Variants in SLCO5A1 observed in about 807,000 individuals in gnomAD.
SLCO5A1 encodes organic anion transporter polypeptide-related protein 4.
SLCO5A1 carries 39 observed loss-of-function variants against 65.1 expected under a neutral mutation model. That is an observed-to-expected ratio of 0.60 (90% CI 0.46 to 0.78). SLCO5A1 has a LOEUF of 0.78. Among genes scored for constraint, SLCO5A1 ranks in the 30% least tolerant of loss-of-function variants. The probability of loss-of-function intolerance (pLI) is 0.00; values close to 1 mark genes in which losing one functional copy is unlikely to be tolerated. For missense variants in SLCO5A1, 1,029 were observed against 1,069.4 expected (o/e 0.96, Z 0.53); for synonymous variants, 438 against 415.7 (o/e 1.05, Z -0.65).
chr8:69,768,229 C>T (rs1300990141), intron 2 of SLCO5A1, among the ~76,000 whole-genome samples: 1 of 152,164 alleles, frequency 6.6e-6, no homozygotes, highest in Non-Finnish European at 1.5e-5. Context: ...AAGACCTTGC[C>T]TCTTTGGACA....
At chr8:69,743,262 A>C (rs116177614) in intron 4 of SLCO5A1, among the ~76,000 whole-genome samples, 154 of 152,370 alleles carry the variant, frequency 1.0e-3, no homozygotes, top group African/African-American at 3.6e-3. Context: ...CCATTAGCCA[A>C]GTGGGTTCCA....
chr8:69,716,718 A>G (rs1230974075), intron 5 of SLCO5A1, among the ~76,000 whole-genome samples: 1 of 151,160 alleles, frequency 6.6e-6, no homozygotes, highest in African/African-American at 2.4e-5. Flanking sequence ...TGTTCTAGAT[A>G]TAACTGCCTT....
chr8:69,696,971 A>T (rs1814524181), intron 6 of SLCO5A1, among the ~76,000 whole-genome samples: 1 of 152,226 alleles, frequency 6.6e-6, no homozygotes, highest in African/African-American at 2.4e-5. Context: ...AGACAAAAGC[A>T]TGCAATATGA....
intron 5 of SLCO5A1, among the ~76,000 whole-genome samples, chr8:69,731,983 AC>A: frequency 6.6e-6 from 1 of 152,366 alleles, no homozygotes; most frequent in East Asian, 1.9e-4. Context: ...GTATACATTT[AC>A]AAAACTAGTA....
intron 2 of SLCO5A1, among the ~76,000 whole-genome samples, chr8:69,800,837 C>A (rs1819703587): frequency 6.6e-6 from 1 of 152,176 alleles, no homozygotes; most frequent in South Asian, 2.1e-4. Context: ...GTTCCCCTGG[C>A]AGTTAAGTGT....
intron 5 of SLCO5A1, among the ~76,000 whole-genome samples, chr8:69,734,676 C>T (rs1328890842): frequency 6.6e-6 from 1 of 152,186 alleles, no homozygotes; most frequent in Non-Finnish European, 1.5e-5. Context: ...TTGGTGCTTC[C>T]TCTCTATCCA....
chr8:69,813,393 TTACA>T (rs1270228271), intron 2 of SLCO5A1, among the ~76,000 whole-genome samples: 15 of 152,198 alleles, frequency 9.9e-5, no homozygotes, highest in Non-Finnish European at 1.2e-4. Flanking sequence ...AGAATATTAA[TTACA>T]TAAATATGCT....
rs1336613453 is a variant in SLCO5A1 at position 69,831,923 on chromosome 8, A to C, written c.751T>G (p.Cys251Gly). The change falls in exon 2 of 10, where the codon TGT becomes GGT. Residue 251 changes from cysteine (C) to glycine (G), a missense_variant. Physicochemically the swap from Cys to Gly is radical, Grantham distance 159. This residue lies in a region of SLCO5A1 where 647 missense variants were observed against 647.5 expected (regional missense o/e 1.00). Transcript: ENST00000260126. ...TTATTTCCTCCCGAGTCCTTCGGAC[A>C]GGCCGGAGGCTCCAAAGTGGCGGTG... ...NSTATLEPPA[C>G]PKDSGGNNHW... The C allele has an allele frequency of 6.2e-7, 1 of 1,600,578 alleles. No homozygotes were observed. The highest frequency in any genetic ancestry group is 1.8e-5 in the Admixed American group (1 of 56,426).
chr8:69,831,761 T>A lies in SLCO5A1; in HGVS notation c.907+6A>T. 6.2e-7 allele frequency: 1 copy of A among 1,611,476 alleles called. No individual in the cohort carries two copies. Among genetic ancestry groups the A allele is most frequent in the South Asian group, 1.1e-5 (1 of 90,322 alleles). On this transcript the variant is annotated splice_donor_region_variant and intron_variant, in intron 2 of 9. Transcript: ENST00000260126. ...AAACATATCTGAGAGAACAGGAAAG[T>A]CTTACCTAGGTACAAGGAGGAGTTT...
At chr8:69,703,927 G>A (rs1814855309) in intron 6 of SLCO5A1, among the ~76,000 whole-genome samples, 1 of 152,176 alleles carries the variant, frequency 6.6e-6, no homozygotes, top group Non-Finnish European at 1.5e-5. Context: ...CTGTATGATA[G>A]AAACATTATA....
At chr8:69,763,266 G>A (rs902111076) in intron 2 of SLCO5A1, among the ~76,000 whole-genome samples, 3 of 151,352 alleles carry the variant, frequency 2.0e-5, no homozygotes, top group African/African-American at 2.4e-5. Context: ...CCAAGATAAC[G>A]CCATCGCGCT....
intron 2 of SLCO5A1, among the ~76,000 whole-genome samples, chr8:69,825,931 G>T (rs1291902183): frequency 1.1e-4 from 16 of 151,138 alleles, no homozygotes; most frequent in South Asian, 4.2e-4. Flanking sequence ...CCAAAACAGA[G>T]ATATAGATCA....
At chr8:69,827,393 C>A (rs552610695) in intron 2 of SLCO5A1, among the ~76,000 whole-genome samples, 12 of 152,286 alleles carry the variant, frequency 7.9e-5, no homozygotes, top group Middle Eastern at 3.4e-3. Context: ...CTAGTCAATT[C>A]TAAGCCTCTC....
At chr8:69,717,954 G>A (rs1815633530) in intron 5 of SLCO5A1, among the ~76,000 whole-genome samples, 1 of 152,082 alleles carries the variant, frequency 6.6e-6, no homozygotes. Flanking sequence ...TTTCAGGAAT[G>A]CACTGCATTG....
chr8:69,707,887 T>C (rs187929319), intron 5 of SLCO5A1, among the ~76,000 whole-genome samples: 14 of 152,318 alleles, frequency 9.2e-5, no homozygotes, highest in Admixed American at 8.5e-4. Context: ...CATTGTAGAC[T>C]TGTTGATTGT....
intron 2 of SLCO5A1, among the ~76,000 whole-genome samples, chr8:69,784,887 GAAGAAAGGAAGAAAGA>G (rs1818967734): frequency 5.2e-5 from 4 of 76,536 alleles, no homozygotes; most frequent in African/African-American, 2.1e-4. Context: ...AAGAAAGAAA[GAAGAAAGGAAGAAAGA>G]AAGAAAGAAA....
At chr8:69,822,830 A>G (rs958522670) in intron 2 of SLCO5A1, among the ~76,000 whole-genome samples, 1 of 152,216 alleles carries the variant, frequency 6.6e-6, no homozygotes, top group African/African-American at 2.4e-5. Context: ...AGTGAAACTA[A>G]AATACAATTT....
At chr8:69,798,526 T>A (rs747342337) in intron 2 of SLCO5A1, among the ~76,000 whole-genome samples, 1 of 152,018 alleles carries the variant, frequency 6.6e-6, no homozygotes, top group Non-Finnish European at 1.5e-5. Context: ...CTACACACTT[T>A]TAAATAACCA....
At chr8:69,801,274 G>T (rs1819724435) in intron 2 of SLCO5A1, among the ~76,000 whole-genome samples, 1 of 152,210 alleles carries the variant, frequency 6.6e-6, no homozygotes, top group Admixed American at 6.5e-5. Flanking sequence ...TAGTAGAGCT[G>T]TAAAGACCTT....
Sources: allele counts gnomAD v4.1 joint callset (sites outside exome capture counted in the v4.1 genomes callset), GRCh38; gene constraint gnomAD v4.1.1; regional missense constraint gnomAD v4.1.1; transcripts MANE v1.5; gene names NCBI Gene and HGNC (gene_info 2026-07-23, HGNC 2026-07-21).